Variants in HVCN1 observed in about 807,000 individuals in gnomAD.
HVCN1 encodes hydrogen voltage gated channel 1, also known as voltage-gated hydrogen channel 1.
In HVCN1, 14 loss-of-function variants were observed where a neutral mutation model predicts 29.2. That is an observed-to-expected ratio of 0.48 (90% CI 0.32 to 0.75). The LOEUF is 0.75. Among genes scored for constraint, HVCN1 ranks in the 30% least tolerant of loss-of-function variants. The probability of loss-of-function intolerance (pLI) is 0.04; values close to 1 mark genes in which losing one functional copy is unlikely to be tolerated. For missense variants in HVCN1, 263 were observed against 341.8 expected (o/e 0.77, Z 1.82); for synonymous variants, 131 against 133.2 (o/e 0.98, Z 0.11).
chr12:110,656,987 G>A (rs2068010747), intron 4 of HVCN1, among the ~76,000 whole-genome samples: 1 of 152,154 alleles, frequency 6.6e-6, no homozygotes, highest in African/African-American at 2.4e-5. Flanking sequence ...CCAATATTCA[G>A]CCATGAAAAG....
intron 1 of HVCN1, chr12:110,704,777 C>T (rs1016452131): frequency 1.3e-5 from 2 of 152,230 alleles, no homozygotes; most frequent in Non-Finnish European, 2.9e-5. Context: ...ACTAGTAGGC[C>T]CCCAGGTATC....
rs913015773 is a variant in HVCN1 at position 110,661,082 on chromosome 12, G to T, written c.306+82C>A. ...AGAATGAATGAGGCAGTGGCCAAAT[G>T]GGCTCAGCCTGGCCGCCTGCCTCAC... On this transcript the variant is annotated intron_variant, in intron 4 of 7. Coordinates refer to ENST00000242607, the MANE Select transcript of HVCN1 (RefSeq NM_032369.4). The surrounding 1 kb of genome is among the most constrained non-coding windows in gnomAD (Gnocchi z 6.2). 61 of 1,358,630 alleles carry T rather than the reference G, an allele frequency of 4.5e-5. No individual in the cohort carries two copies. The highest frequency in any genetic ancestry group is 6.0e-5 in the Non-Finnish European group (59 of 983,544). 84.2% of individuals were successfully genotyped at this position (1,358,630 alleles called of 1,614,324 possible).
intron 4 of HVCN1, 83 bp from the exon 5 acceptor site, chr12:110,655,421 G>T: frequency 1.9e-6 from 2 of 1,053,512 alleles, no homozygotes; most frequent in Non-Finnish European, 2.9e-6. Flanking sequence ...TGGCTTGGAA[G>T]CACGTGGGTG....
At chr12:110,697,148 T>G (rs1018990210) in intron 2 of HVCN1, among the ~76,000 whole-genome samples, 3 of 151,826 alleles carry the variant, frequency 2.0e-5, no homozygotes, top group Non-Finnish European at 2.9e-5. Flanking sequence ...TTGATAATGT[T>G]TTATTTGAAT....
intron 3 of HVCN1, among the ~76,000 whole-genome samples, chr12:110,665,158 A>C (rs1195018770): frequency 1.3e-5 from 2 of 152,230 alleles, no homozygotes; most frequent in African/African-American, 4.8e-5. Flanking sequence ...AGACAACAAC[A>C]TAAACTCAAC....
At chr12:110,702,631 C>T (rs551490697) in intron 1 of HVCN1, among the ~76,000 whole-genome samples, 41 of 139,974 alleles carry the variant, frequency 2.9e-4, no homozygotes, top group Admixed American at 1.4e-3. Flanking sequence ...TACAGGTGTG[C>T]GCCACCATGC....
intron 2 of HVCN1, among the ~76,000 whole-genome samples, chr12:110,684,942 T>C (rs1181104583): frequency 6.6e-6 from 1 of 152,194 alleles, no homozygotes; most frequent in Non-Finnish European, 1.5e-5. Flanking sequence ...CCTTTTATTT[T>C]ATTTTTTTTG....
chr12:110,678,439 C>CTTTTTTTTTTTTTTT (rs538999674), intron 3 of HVCN1, among the ~76,000 whole-genome samples: 12 of 65,810 alleles, frequency 1.8e-4, no homozygotes, highest in East Asian at 5.0e-4. Flanking sequence ...CATTCTATTT[C>CTTTTTTTTTTTTTTT]TTTTTTTTTT....
At chr12:110,655,744 A>C in intron 4 of HVCN1, among the ~76,000 whole-genome samples, 1 of 144,352 alleles carries the variant, frequency 6.9e-6, no homozygotes. Flanking sequence ...TTGTTTTGTC[A>C]CCGAGGCTGG....
Position 110,661,391 on chromosome 12 carries a change from G to A in HVCN1, c.79C>T (p.His27Tyr), listed in dbSNP as rs1185155371. Residue 27 changes from histidine to tyrosine, a missense_variant, in exon 4 of 8, where the codon CAC (histidine) becomes TAC (tyrosine). Physicochemically the swap from His to Tyr is moderately conservative, Grantham distance 83. Transcript: ENST00000242607. This position sits in a 1 kb window ranked among gnomAD's most constrained non-coding sequence, Gnocchi z 6.2. ...PAERMSKFLRHFTVVGDDYHA... is the reference protein window; with the variant it reads ...PAERMSKFLRYFTVVGDDYHA... ...TAGTCGTCTCCCACGACCGTGAAGT[G>A]CCTTAAGAACTTGCTCATCCTCTCA... 3 of 1,614,210 alleles carry A rather than the reference G, an allele frequency of 1.9e-6. No homozygotes were observed. Among genetic ancestry groups the A allele is most frequent in the South Asian group, 1.1e-5 (1 of 91,088 alleles).
chr12:110,667,322 CAG>C (rs2068405299), intron 3 of HVCN1, among the ~76,000 whole-genome samples: 1 of 152,172 alleles, frequency 6.6e-6, no homozygotes, highest in South Asian at 2.1e-4. Flanking sequence ...TTAGTAGAGA[CAG>C]GGTTTCACCA....
chr12:110,688,762 G>C (rs2069296393), intron 1 of HVCN1, 54 bp from the exon 2 acceptor site: 1 of 152,424 alleles, frequency 6.6e-6, no homozygotes, highest in Non-Finnish European at 1.5e-5. Flanking sequence ...GGAGTGTGAA[G>C]AACTGAAGGC....
intron 3 of HVCN1, among the ~76,000 whole-genome samples, chr12:110,668,551 A>G (rs2068450936): frequency 6.6e-6 from 1 of 152,012 alleles, no homozygotes; most frequent in Admixed American, 6.6e-5. Flanking sequence ...CAGCTTCATC[A>G]CCATCCTTGG....
chr12:110,679,709 T>C (rs1034727846), intron 3 of HVCN1, among the ~76,000 whole-genome samples: 14 of 151,800 alleles, frequency 9.2e-5, no homozygotes, highest in African/African-American at 1.9e-4. Context: ...AAAAATTAGC[T>C]GGGCGCGGTG....
intron 2 of HVCN1, among the ~76,000 whole-genome samples, chr12:110,683,544 T>C (rs1269871211): frequency 6.6e-6 from 1 of 152,224 alleles, no homozygotes; most frequent in Non-Finnish European, 1.5e-5. Flanking sequence ...AACGACCCGC[T>C]TGTCCATCAA....
chr12:110,655,759 C>T (rs1290420636), intron 4 of HVCN1, among the ~76,000 whole-genome samples: 2 of 147,668 alleles, frequency 1.4e-5, no homozygotes, highest in Admixed American at 6.9e-5. Flanking sequence ...GGCTGGAGTA[C>T]AGTGGCATGA....
chr12:110,691,093 C>T (rs1439815372), upstream of HVCN1, among the ~76,000 whole-genome samples: 6 of 150,916 alleles, frequency 4.0e-5, no homozygotes, highest in African/African-American at 1.2e-4. Context: ...GGTGGAGTCG[C>T]GCTCTGTCAC....
intron 2 of HVCN1, among the ~76,000 whole-genome samples, chr12:110,684,401 T>G (rs907030279): frequency 6.6e-5 from 10 of 152,190 alleles, no homozygotes; most frequent in Admixed American, 6.5e-4. Flanking sequence ...TTGGGGTTGC[T>G]CTGAAAAACA....
intron 2 of HVCN1, among the ~76,000 whole-genome samples, chr12:110,700,107 G>A (rs760282603): frequency 1.3e-5 from 2 of 152,220 alleles, no homozygotes; most frequent in Non-Finnish European, 2.9e-5. Flanking sequence ...CTCCCAGCCC[G>A]TGGGCAGCAC....
Sources: gnomAD v4.1 joint callset for allele counts (sites outside exome capture counted in the v4.1 genomes callset) on GRCh38, gnomAD v4.1.1 for gene constraint, Gnocchi (gnomAD v3.1) non-coding constraint, MANE v1.5 for transcripts, NCBI Gene and HGNC (gene_info 2026-07-23, HGNC 2026-07-21) for gene names.